AMBRA1: variants seen among roughly 807,000 people sequenced by gnomAD.
AMBRA1 encodes the protein autophagy and beclin 1 regulator 1, also known as activating molecule in BECN1-regulated autophagy protein 1.
In AMBRA1, 47 loss-of-function variants were observed where a neutral mutation model predicts 125.4. The observed-to-expected ratio is 0.37, with a 90% CI of 0.30 to 0.48. AMBRA1 has a LOEUF of 0.48. AMBRA1 is among the 20% of genes least tolerant of loss of function. AMBRA1 has a pLI of 0.99. For synonymous variants in AMBRA1, 626 were observed against 655.5 expected (o/e 0.95, Z 0.69); for missense variants, 1,331 against 1,693.4 (o/e 0.79, Z 3.76).
Position 46,397,277 on chromosome 11 carries a change from C to A in AMBRA1, c.*173G>T. On this transcript the variant is annotated 3_prime_UTR_variant, in exon 18 of 18. Coordinates refer to ENST00000683756, the MANE Select transcript of AMBRA1 (RefSeq NM_001387011.1). The stretch of plus-strand genomic sequence containing the variant: ...TTCTAGTTCCCCGAGGCAGGCCTTG[C>A]CCATTTGACTGTCTTGTGCCCACTG... 1.1e-6 allele frequency: 1 copy of A among 875,318 alleles called. No individual in the cohort carries two copies. The highest frequency in any genetic ancestry group is 3.5e-5 in the Admixed American group (1 of 28,328). 54.2% of individuals were successfully genotyped at this position (875,318 alleles called of 1,614,324 possible). A position where few individuals can be genotyped will look rare whatever the true frequency, so the allele number is the denominator to read the frequency against.
chr11:46,531,113 C>T (rs1952197132), intron 7 of AMBRA1, among the ~76,000 whole-genome samples: 1 of 152,082 alleles, frequency 6.6e-6, no homozygotes, highest in Admixed American at 6.5e-5. Context: ...CAACTCCTGA[C>T]CTCAAGTGAT....
rs57293525 is a variant in AMBRA1, at chr11:46,551,096, CA to C, written c.-120-2597del. 5.9e-3 allele frequency among the ~76,000 whole-genome samples: 290 copies of C among 49,340 alleles called. 2 individuals are homozygous for C. The highest frequency in any genetic ancestry group is 0.011 in the African/African-American group (169 of 15,946). 32.4% of individuals were successfully genotyped at this position (49,340 alleles called of 152,430 possible). A position where few individuals can be genotyped will look rare whatever the true frequency, so the allele number is the denominator to read the frequency against. ...TGGGCGACGGAGTGAGACTCCGCCT[CA>C]AAAAAAAAAAAAAAAAAAGAATAGA... On this transcript the variant is annotated intron_variant, in intron 1 of 17. Transcript: ENST00000683756.
chr11:46,572,787 A>G (rs2043810049), intron 1 of AMBRA1, among the ~76,000 whole-genome samples: 1 of 152,138 alleles, frequency 6.6e-6, no homozygotes, highest in Admixed American at 6.6e-5. Flanking sequence ...ATTTGTGGTC[A>G]CCAGATTTAA....
At position 46,463,649 on chromosome 11, in the gene AMBRA1, T is replaced by C. The variant is rs1489193; in HGVS notation, c.2522-20051A>G. Among the ~76,000 whole-genome samples the C allele has an allele frequency of 5.4e-3, 816 of 152,300 alleles. 6 individuals carry two copies. The highest frequency in any genetic ancestry group is 0.019 in the African/African-American group (787 of 41,556). On this transcript the variant is annotated intron_variant, in intron 11 of 17. Coordinates refer to ENST00000683756, the MANE Select transcript of AMBRA1 (RefSeq NM_001387011.1). ...TGGCTTTGAGAAGATACCCACTCAA[T>C]CGTCAGAATGGCACTTCCAAAATTC...
chr11:46,418,429 C>CACA (rs1285224885), intron 14 of AMBRA1, among the ~76,000 whole-genome samples: 1 of 147,538 alleles, frequency 6.8e-6, no homozygotes, highest in African/African-American at 2.5e-5. Context: ...ACTTTAAGTT[C>CACA]TAGGGTACAT....
chr11:46,542,692 G>A lies in AMBRA1; in HGVS notation c.1325C>T (p.Ala442Val). 6 of 1,614,142 alleles carry A rather than the reference G, an allele frequency of 3.7e-6. No individual in the cohort carries two copies. The highest frequency in any genetic ancestry group is 5.1e-6 in the Non-Finnish European group (6 of 1,180,022). Residue 442 changes from alanine to valine, a missense_variant, in exon 7 of 18, where the codon GCC becomes GTC. Physicochemically the swap from Ala to Val is moderately conservative, Grantham distance 64 (BLOSUM62 0). Transcript: ENST00000683756. The surrounding 1 kb of genome is among the most constrained non-coding windows in gnomAD (Gnocchi z 5.9). ...AESMPPPRTSASSVSLLSVLR... is the reference protein window; with the variant it reads ...AESMPPPRTSVSSVSLLSVLR... ...CACAGACAGCAAACTCACCGAAGAG[G>A]CACTGGTTCTGGGCGGGGGCATGGA... is the stretch of plus-strand genomic sequence containing the variant.
intron 12 of AMBRA1, among the ~76,000 whole-genome samples, chr11:46,442,101 G>A (rs1226728787): frequency 2.0e-5 from 3 of 150,782 alleles, no homozygotes; most frequent in African/African-American, 7.3e-5. Flanking sequence ...CTTCCAAGTA[G>A]CTGGGACTAC....
chr11:46,397,805 T>A lies in AMBRA1; in HGVS notation c.3542A>T (p.Asn1181Ile). The A allele has an allele frequency of 1.9e-6, 3 of 1,608,388 alleles. No individual in the cohort carries two copies. The highest frequency in any genetic ancestry group is 2.5e-6 in the Non-Finnish European group (3 of 1,179,986). Residue 1181 changes from asparagine to isoleucine, a missense_variant, in exon 18 of 18, where the codon AAC becomes ATC. Coordinates refer to ENST00000683756, the MANE Select transcript of AMBRA1 (RefSeq NM_001387011.1). ...GTGAATGCGGTGGCTGACGATGATG[T>A]TGTTGCCGAAGCCGCCCATGGAGGC... ...TMASMGGFGN[N>I]IIVSHRIHRS...
chr11:46,525,302 AAAAT>A lies in AMBRA1; in HGVS notation c.2073-12493_2073-12490del, dbSNP rs200668615. On this transcript the variant is annotated intron_variant, in intron 7 of 17. Coordinates refer to ENST00000683756, the MANE Select transcript of AMBRA1 (RefSeq NM_001387011.1). ...GGCAACCGATTGAAACCCTGTTTCA[AAAAT>A]AAATAAATAAATAGGCCAGGCGCGG... is the stretch of plus-strand genomic sequence containing the variant. 9.3e-3 allele frequency among the ~76,000 whole-genome samples: 1,408 copies of A among 152,164 alleles called. 23 individuals carry two copies. Among genetic ancestry groups the A allele is most frequent in the African/African-American group, 0.031 (1,303 of 41,500 alleles).
intron 7 of AMBRA1, among the ~76,000 whole-genome samples, chr11:46,536,494 T>C (rs1040973782): frequency 6.6e-6 from 1 of 152,190 alleles, no homozygotes; most frequent in Non-Finnish European, 1.5e-5. Context: ...ATATCGAAAC[T>C]CTTTAGACTC....
chr11:46,520,166 G>A (rs898533513), intron 7 of AMBRA1, among the ~76,000 whole-genome samples: 8 of 151,070 alleles, frequency 5.3e-5, no homozygotes, highest in Admixed American at 3.3e-4. Context: ...AAATTACGAG[G>A]CTCCTAAAGA....
intron 17 of AMBRA1, among the ~76,000 whole-genome samples, chr11:46,404,129 C>T (rs1176003647): frequency 6.6e-6 from 1 of 152,198 alleles, no homozygotes; most frequent in Non-Finnish European, 1.5e-5. Flanking sequence ...GTCGAGGCTG[C>T]AGTGAGCCGT....
chr11:46,497,974 T>C (rs1167975420), intron 9 of AMBRA1, among the ~76,000 whole-genome samples: 2 of 152,046 alleles, frequency 1.3e-5, no homozygotes, highest in Non-Finnish European at 2.9e-5. Context: ...GCACAGGAAT[T>C]AAAAGTACTT....
rs747657992 is a variant in AMBRA1 at position 46,408,669 on chromosome 11, C to T, written c.3247G>A (p.Gly1083Arg). 3 of 1,582,268 alleles carry T rather than the reference C, an allele frequency of 1.9e-6. No individual in the cohort carries two copies. The highest frequency in any genetic ancestry group is 1.7e-6 in the Non-Finnish European group (2 of 1,161,590). The change falls in exon 17 of 18, where the codon GGG becomes AGG. Residue 1083 changes from glycine to arginine, a missense_variant. Transcript: ENST00000683756. ...RATWRTDRDMGLMNAIGLQPR... is the reference protein window; with the variant it reads ...RATWRTDRDMRLMNAIGLQPR... ...TGAAGCCCAATGGCATTCATCAGCC[C>T]CATGTCTCTGTCTGTCCTCCATGTG...
intron 11 of AMBRA1, among the ~76,000 whole-genome samples, chr11:46,472,628 CA>C (rs1278751906): frequency 1.3e-5 from 2 of 152,176 alleles, no homozygotes; most frequent in Admixed American, 1.3e-4. Context: ...AACACAAGAT[CA>C]GTAGTTCTCA....
At chr11:46,569,915 C>T (rs1179543035) in intron 1 of AMBRA1, among the ~76,000 whole-genome samples, 1 of 151,886 alleles carries the variant, frequency 6.6e-6, no homozygotes, top group Non-Finnish European at 1.5e-5. Context: ...GAGCCAAGAT[C>T]GCACCACTGC....
intron 11 of AMBRA1, among the ~76,000 whole-genome samples, chr11:46,488,040 A>G (rs1950322170): frequency 6.6e-6 from 1 of 152,238 alleles, no homozygotes; most frequent in Non-Finnish European, 1.5e-5. Context: ...ATTGACTTTA[A>G]GACAAAAAAT....
At chr11:46,441,473 C>T (rs1160442831) in intron 12 of AMBRA1, among the ~76,000 whole-genome samples, 1 of 151,670 alleles carries the variant, frequency 6.6e-6, no homozygotes, top group African/African-American at 2.4e-5. Context: ...CGAGATCATG[C>T]GACTGCACCC....
At chr11:46,461,131 T>C (rs748892519) in intron 11 of AMBRA1, among the ~76,000 whole-genome samples, 13 of 152,114 alleles carry the variant, frequency 8.5e-5, no homozygotes, top group Non-Finnish European at 1.9e-4. Context: ...TAGTCCCAGC[T>C]ATTTAGGAGG....
Sources: allele counts gnomAD v4.1 joint callset (sites outside exome capture counted in the v4.1 genomes callset), GRCh38; gene constraint gnomAD v4.1.1; non-coding constraint Gnocchi (gnomAD v3.1); transcripts MANE v1.5; gene names NCBI Gene and HGNC (gene_info 2026-07-23, HGNC 2026-07-21).